HTRA1: variants seen among roughly 807,000 people sequenced by gnomAD.
The protein encoded by HTRA1 is HtrA serine peptidase 1, also known as serine protease HTRA1.
HTRA1 carries 26 observed loss-of-function variants against 49.7 expected under a neutral mutation model. The ratio of observed to expected loss-of-function variants is 0.52; its 90% CI spans 0.38 to 0.73. The LOEUF (loss-of-function observed/expected upper bound fraction) is 0.73. Ranked by LOEUF, HTRA1 falls within the 30% of genes least tolerant of loss-of-function variation. The probability of loss-of-function intolerance (pLI) is 0.00; values close to 1 mark genes in which losing one functional copy is unlikely to be tolerated. For synonymous variants in HTRA1, 291 were observed against 286.9 expected (o/e 1.01, Z -0.14); for missense variants, 561 against 667.2 (o/e 0.84, Z 1.75).
intron 3 of HTRA1, among the ~76,000 whole-genome samples, chr10:122,495,952 T>A (rs1210181343): frequency 6.6e-6 from 1 of 152,016 alleles, no homozygotes; most frequent in Non-Finnish European, 1.5e-5. Context: ...TTAGGTAGAG[T>A]GTATGGCTGC....
chr10:122,473,770 G>A (rs768921877), intron 1 of HTRA1, among the ~76,000 whole-genome samples: 11 of 151,966 alleles, frequency 7.2e-5, no homozygotes, highest in Non-Finnish European at 1.0e-4. Context: ...GGAAACCACC[G>A]GTTCATTTTC....
Position 122,461,726 on chromosome 10 carries a change from C to T in HTRA1, c.74C>T (p.Ser25Phe), listed in dbSNP as rs1354122621. Residue 25 changes from serine to phenylalanine, a missense_variant, in exon 1 of 9, where the codon TCC becomes TTC. By Grantham distance (155) the Ser-to-Phe change is radical (BLOSUM62 -2). Coordinates refer to ENST00000368984, the MANE Select transcript of HTRA1 (RefSeq NM_002775.5). Reference sequence around the variant, plus strand: ...GCGGCGCCCGCCTCGGCGCAGCTGTCCCGGGCCGGCCGCTCGGCGCCTTTG... The same window carrying T: ...GCGGCGCCCGCCTCGGCGCAGCTGTTCCGGGCCGGCCGCTCGGCGCCTTTG... ...LLAAPASAQL[S>F]RAGRSAPLAA... The T allele has an allele frequency of 3.4e-6, 4 of 1,183,680 alleles. No individual in the cohort carries two copies. Among genetic ancestry groups the T allele is most frequent in the Non-Finnish European group, 4.2e-6 (4 of 946,358 alleles). 73.3% of individuals were successfully genotyped at this position (1,183,680 alleles called of 1,614,324 possible).
At chr10:122,467,275 G>T (rs551332046) in intron 1 of HTRA1, among the ~76,000 whole-genome samples, 1 of 152,202 alleles carries the variant, frequency 6.6e-6, no homozygotes, top group African/African-American at 2.4e-5. Context: ...GCCAACTGGG[G>T]CGGAGGGGCT....
intron 7 of HTRA1, among the ~76,000 whole-genome samples, chr10:122,510,677 C>G (rs1287467095): frequency 1.3e-5 from 2 of 152,174 alleles, no homozygotes; most frequent in Non-Finnish European, 2.9e-5. Flanking sequence ...GGTTGGCAGG[C>G]TCATGGCATC....
At chr10:122,469,045 C>T (rs1317402428) in intron 1 of HTRA1, among the ~76,000 whole-genome samples, 2 of 152,174 alleles carry the variant, frequency 1.3e-5, no homozygotes, top group East Asian at 1.9e-4. Context: ...ATTATGTCTC[C>T]TTGTGCACAC....
intron 1 of HTRA1, among the ~76,000 whole-genome samples, chr10:122,479,389 A>G (rs1310736231): frequency 6.6e-6 from 1 of 152,068 alleles, no homozygotes; most frequent in Non-Finnish European, 1.5e-5. Flanking sequence ...ACATGATTTA[A>G]TTCTCTGATC....
At chr10:122,505,411 A>C (rs1244076279) in intron 3 of HTRA1, among the ~76,000 whole-genome samples, 1 of 151,444 alleles carries the variant, frequency 6.6e-6, no homozygotes, top group Non-Finnish European at 1.5e-5. Context: ...GTGTTGGGGG[A>C]TATTTGTGGT....
At chr10:122,467,322 C>T (rs1243621085) in intron 1 of HTRA1, among the ~76,000 whole-genome samples, 2 of 152,158 alleles carry the variant, frequency 1.3e-5, no homozygotes, top group Non-Finnish European at 2.9e-5. Flanking sequence ...GGGGTGTTAC[C>T]TGACCAGGTA....
intron 3 of HTRA1, among the ~76,000 whole-genome samples, chr10:122,504,953 C>G (rs1482269385): frequency 6.6e-6 from 1 of 152,250 alleles, no homozygotes; most frequent in African/African-American, 2.4e-5. Context: ...CAGACCTTTA[C>G]CATGGCTGGG....
intron 1 of HTRA1, among the ~76,000 whole-genome samples, chr10:122,473,399 C>A (rs80232578): frequency 0.094 from 14,280 of 152,196 alleles, 762 homozygotes; most frequent in African/African-American, 0.12. Context: ...CAGCTCTGTC[C>A]AGGATGCGGG....
At chr10:122,466,798 C>G (rs1265264161) in intron 1 of HTRA1, among the ~76,000 whole-genome samples, 2 of 152,154 alleles carry the variant, frequency 1.3e-5, no homozygotes, top group Non-Finnish European at 2.9e-5. Context: ...TTGTGAGTCT[C>G]CAGCTTTTAG....
chr10:122,504,320 A>T (rs957907352), intron 3 of HTRA1, among the ~76,000 whole-genome samples: 2 of 152,198 alleles, frequency 1.3e-5, no homozygotes, highest in African/African-American at 2.4e-5. Context: ...AGGTCTCCTG[A>T]GACATAGAGC....
chr10:122,467,666 G>T (rs1016093740), intron 1 of HTRA1, among the ~76,000 whole-genome samples: 10 of 151,998 alleles, frequency 6.6e-5, no homozygotes, highest in Admixed American at 4.6e-4. Flanking sequence ...GAGCTTCCAC[G>T]AGACTCATAC....
chr10:122,474,455 C>G (rs1331081838), intron 1 of HTRA1, among the ~76,000 whole-genome samples: 2 of 152,194 alleles, frequency 1.3e-5, no homozygotes, highest in Non-Finnish European at 2.9e-5. Flanking sequence ...TTCTGCCTCT[C>G]TGCAGCCTCA....
intron 4 of HTRA1, 104 bp from the exon 5 acceptor site, chr10:122,507,266 G>T: frequency 1.1e-6 from 1 of 888,384 alleles, no homozygotes; most frequent in East Asian, 2.4e-5. Context: ...GAAGAATCGT[G>T]CCCCCCACTC....
intron 1 of HTRA1, among the ~76,000 whole-genome samples, chr10:122,468,563 G>A (rs2097484792): frequency 6.6e-6 from 1 of 152,138 alleles, no homozygotes; most frequent in Non-Finnish European, 1.5e-5. Context: ...GGTGATGTGA[G>A]ACTTCTGTCC....
At chr10:122,471,962 A>G (rs1054603584) in intron 1 of HTRA1, among the ~76,000 whole-genome samples, 2 of 152,232 alleles carry the variant, frequency 1.3e-5, no homozygotes, top group African/African-American at 4.8e-5. Context: ...GAAGATGACT[A>G]AAAGACTATT....
rs1166085698 is a variant in HTRA1 at position 122,494,354 on chromosome 10, C to T, written c.777+4728C>T. ...CACATGGATGGAATTGAGGGGAAGG[C>T]ACCCGGGGCTCCTGCATCGAGCTTC... On this transcript the variant is annotated intron_variant, in intron 3 of 8. Coordinates refer to ENST00000368984, the MANE Select transcript of HTRA1 (RefSeq NM_002775.5). This position sits in a 1 kb window ranked among gnomAD's most constrained non-coding sequence, Gnocchi z 4.0. Among the ~76,000 whole-genome samples the T allele has an allele frequency of 6.6e-6, 1 of 152,146 alleles. No homozygotes were observed. Among genetic ancestry groups the T allele is most frequent in the Admixed American group, 6.5e-5 (1 of 15,288 alleles).
chr10:122,493,753 T>A (rs2097497026), intron 3 of HTRA1, among the ~76,000 whole-genome samples: 1 of 152,198 alleles, frequency 6.6e-6, no homozygotes, highest in Non-Finnish European at 1.5e-5. Context: ...TTCCTGCTGT[T>A]CTGAGAGAGA....
Sources: allele counts gnomAD v4.1 joint callset (sites outside exome capture counted in the v4.1 genomes callset), GRCh38; gene constraint gnomAD v4.1.1; non-coding constraint Gnocchi (gnomAD v3.1); transcripts MANE v1.5; gene names NCBI Gene and HGNC (gene_info 2026-07-23, HGNC 2026-07-21).